Variants in CBFA2T3 observed in about 807,000 individuals in gnomAD.
CBFA2T3 encodes the protein CBFA2/RUNX1 partner transcriptional co-repressor 3.
A neutral mutation model predicts 58.6 loss-of-function variants in CBFA2T3; 31 were observed. That is an observed-to-expected ratio of 0.53 (90% confidence interval 0.40 to 0.71). The LOEUF is 0.71. Among genes scored for constraint, CBFA2T3 ranks in the 30% least tolerant of loss-of-function variants. The pLI is 0.00. For synonymous variants in CBFA2T3, 531 were observed against 421.9 expected (o/e 1.26, Z -3.17); for missense variants, 1,076 against 963.1 (o/e 1.12, Z -1.55).
intron 1 of CBFA2T3, among the ~76,000 whole-genome samples, chr16:88,959,031 C>G (rs904755501): frequency 1.3e-5 from 2 of 152,176 alleles, no homozygotes; most frequent in Non-Finnish European, 2.9e-5. Context: ...CTGTGCCGCA[C>G]CAACCCAGGG....
intron 1 of CBFA2T3, among the ~76,000 whole-genome samples, chr16:88,960,333 C>T (rs930268992): frequency 6.6e-6 from 1 of 152,160 alleles, no homozygotes; most frequent in African/African-American, 2.4e-5. Flanking sequence ...GGGCCAGGTG[C>T]CAGGTCGACG....
intron 1 of CBFA2T3, among the ~76,000 whole-genome samples, chr16:88,931,450 T>C (rs916940532): frequency 1.3e-5 from 2 of 152,156 alleles, no homozygotes; most frequent in Admixed American, 6.5e-5. Context: ...AAGTGACAAG[T>C]GACCTTTCCA....
In CBFA2T3 at chr16:88,877,017, A is replaced by T. The variant is rs1376172302; in HGVS notation, c.1921T>A (p.Ser641Thr). ...AGSAGPSRPGSPSPPGPLDTV... is the reference protein window; with the variant it reads ...AGSAGPSRPGTPSPPGPLDTV... ...TCCAGTGGGCCAGGTGGGCTGGGGGAGCCGGGGCGAGAAGGCCCCGCAGAG... is the reference window on the plus strand; with the variant it reads ...TCCAGTGGGCCAGGTGGGCTGGGGGTGCCGGGGCGAGAAGGCCCCGCAGAG... The change falls in exon 12 of 12, where the codon TCC (serine) becomes ACC (threonine). Residue 641 changes from serine (S) to threonine (T), a missense_variant. Ser to Thr is a moderately conservative substitution (Grantham distance 58). Transcript: ENST00000268679. 1.4e-6 allele frequency: 2 copies of T among 1,478,008 alleles called. No homozygotes were observed. The highest frequency in any genetic ancestry group is 2.4e-4 in the Middle Eastern group (1 of 4,218). The allele number at this position is 1,478,008 out of a possible 1,614,324, so 91.6% of individuals were successfully genotyped here. A position where few individuals can be genotyped will look rare whatever the true frequency, so the allele number is the denominator to read the frequency against.
intron 1 of CBFA2T3, among the ~76,000 whole-genome samples, chr16:88,903,145 C>A (rs1032834142): frequency 6.6e-6 from 1 of 152,218 alleles, no homozygotes; most frequent in East Asian, 1.9e-4. Context: ...GAGAGATCCA[C>A]CCAGGGCCAC....
intron 2 of CBFA2T3, among the ~76,000 whole-genome samples, chr16:88,901,072 C>G (rs560073414): frequency 6.6e-6 from 1 of 152,372 alleles, no homozygotes; most frequent in East Asian, 1.9e-4. Flanking sequence ...AGGTGACCTG[C>G]TGTATGACCC....
intron 5 of CBFA2T3, chr16:88,886,422 G>T: frequency 2.9e-6 from 1 of 345,564 alleles, no homozygotes; most frequent in African/African-American, 2.1e-5. Context: ...GACTCCCAGG[G>T]TGGGGCTTTC....
intron 1 of CBFA2T3, among the ~76,000 whole-genome samples, chr16:88,949,445 G>C (rs151163040): frequency 0.033 from 5,029 of 152,082 alleles, 279 homozygotes; most frequent in African/African-American, 0.11. Flanking sequence ...TGTAGTCCCA[G>C]CTATTCGGGA....
Position 88,885,915 on chromosome 16 carries a change from C to T in CBFA2T3, c.893+46G>A, listed in dbSNP as rs535326516. ...ACCCAGAGGGGAGCAGGGTGAGCCGCGTGTCCACGGCACCCCCAGCCCAGA... is the reference window on the plus strand; with the variant it reads ...ACCCAGAGGGGAGCAGGGTGAGCCGTGTGTCCACGGCACCCCCAGCCCAGA... On this transcript the variant is annotated intron_variant, in intron 6 of 11. Transcript: ENST00000268679. This position sits in a 1 kb window ranked among gnomAD's most constrained non-coding sequence, Gnocchi z 5.3. 2.0e-5 allele frequency: 30 copies of T among 1,486,848 alleles called. No homozygotes were observed. The Middle Eastern group carries it at 6.9e-4, about 34-fold the overall frequency. The allele number at this position is 1,486,848 out of a possible 1,614,324, so 92.1% of individuals were successfully genotyped here. A position where few individuals can be genotyped will look rare whatever the true frequency, so the allele number is the denominator to read the frequency against.
intron 1 of CBFA2T3, among the ~76,000 whole-genome samples, chr16:88,909,756 C>G (rs1970468782): frequency 6.6e-6 from 1 of 152,194 alleles, no homozygotes; most frequent in Non-Finnish European, 1.5e-5. Context: ...CGACCCCGCA[C>G]CCACGCTGCC....
Position 88,958,354 on chromosome 16 carries a change from T to C in CBFA2T3, c.151+18303A>G, listed in dbSNP as rs1972282970. On this transcript the variant is annotated intron_variant, in intron 1 of 11. Transcript: ENST00000268679. The surrounding 1 kb of genome is among the most constrained non-coding windows in gnomAD (Gnocchi z 4.0). Reference sequence around the variant, plus strand: ...GCTCCCAGGGAGAAGTTGAGGTTGATGTGGTCACCTCGAATGGGGAACTCC... The same window carrying C: ...GCTCCCAGGGAGAAGTTGAGGTTGACGTGGTCACCTCGAATGGGGAACTCC... 6.6e-6 allele frequency among the ~76,000 whole-genome samples: 1 copy of C among 151,810 alleles called. No homozygotes were observed. The highest frequency in any genetic ancestry group is 2.4e-5 in the African/African-American group (1 of 41,242).
intron 1 of CBFA2T3, among the ~76,000 whole-genome samples, chr16:88,924,892 T>C (rs1323257772): frequency 1.3e-5 from 2 of 152,132 alleles, no homozygotes; most frequent in African/African-American, 4.8e-5. Flanking sequence ...CCTCACTGAG[T>C]GCTCTCTCCA....
Position 88,892,274 on chromosome 16 carries a change from C to T in CBFA2T3, c.591G>A (p.Glu197=), listed in dbSNP as rs1442045598. 1 of 1,611,786 alleles carries T rather than the reference C, an allele frequency of 6.2e-7. No homozygotes were observed. The highest frequency in any genetic ancestry group is 8.5e-7 in the Non-Finnish European group (1 of 1,179,912). Reference sequence around the variant, plus strand: ...GGCCCAGCACCAGTGTGCGCACGCGCTCCCCAATCTCTGGGGAGATGTCGC... The same window carrying T: ...GGCCCAGCACCAGTGTGCGCACGCGTTCCCCAATCTCTGGGGAGATGTCGC... ...FGSDISPEIG[E]RVRTLVLGLV... Residue 197 remains glutamate, a synonymous_variant, in exon 4 of 12, where the codon GAG becomes GAA. Coordinates refer to ENST00000268679, the MANE Select transcript of CBFA2T3 (RefSeq NM_005187.6).
intron 8 of CBFA2T3, among the ~76,000 whole-genome samples, chr16:88,882,421 A>G (rs1381713997): frequency 2.3e-5 from 3 of 130,574 alleles, no homozygotes; most frequent in African/African-American, 6.1e-5. Context: ...CTGTGTGTGT[A>G]TGGCTGTGTG....
chr16:88,888,708 G>A lies in CBFA2T3; in HGVS notation c.712-2566C>T, dbSNP rs559846678. Reference sequence around the variant, plus strand: ...GACCTGGAAGCAGGACTGGCCGCAAGATCTTTATTTTTTATTTTTGAATCC... The same window carrying A: ...GACCTGGAAGCAGGACTGGCCGCAAAATCTTTATTTTTTATTTTTGAATCC... On this transcript the variant is annotated intron_variant, in intron 5 of 11. Transcript: ENST00000268679. Among the ~76,000 whole-genome samples the A allele has an allele frequency of 2.0e-3, 298 of 151,026 alleles. 2 individuals are homozygous for A. Among genetic ancestry groups the A allele is most frequent in the African/African-American group, 6.9e-3 (282 of 41,078 alleles).
At chr16:88,910,298 T>TC (rs1970489268) in intron 1 of CBFA2T3, among the ~76,000 whole-genome samples, 1 of 151,832 alleles carries the variant, frequency 6.6e-6, no homozygotes, top group South Asian at 2.1e-4. Flanking sequence ...TCACCCTGGC[T>TC]CCCCTCCTGT....
chr16:88,881,561 C>A (rs911827014), intron 8 of CBFA2T3, 72 bp from the exon 9 acceptor site: 1 of 1,483,720 alleles, frequency 6.7e-7, no homozygotes, highest in Non-Finnish European at 9.2e-7. Context: ...CCAGCCCACT[C>A]GGCCAGAGCC....
chr16:88,966,543 A>G (rs1040030290), intron 1 of CBFA2T3, among the ~76,000 whole-genome samples: 4 of 152,058 alleles, frequency 2.6e-5, no homozygotes, highest in Admixed American at 6.5e-5. Flanking sequence ...CCATGAACTC[A>G]GTAGTGGAAG....
At chr16:88,909,669 C>G (rs1023756007) in intron 1 of CBFA2T3, among the ~76,000 whole-genome samples, 2 of 152,154 alleles carry the variant, frequency 1.3e-5, no homozygotes, top group African/African-American at 4.8e-5. Flanking sequence ...GGGAAAGGCA[C>G]AGATGTGCAA....
intron 1 of CBFA2T3, among the ~76,000 whole-genome samples, chr16:88,956,803 G>A (rs1972231234): frequency 6.6e-6 from 1 of 152,216 alleles, no homozygotes; most frequent in Non-Finnish European, 1.5e-5. Context: ...GGACCGCATG[G>A]CCCTTGCCCT....
Sources: allele counts gnomAD v4.1 joint callset (sites outside exome capture counted in the v4.1 genomes callset), GRCh38; gene constraint gnomAD v4.1.1; non-coding constraint Gnocchi (gnomAD v3.1); transcripts MANE v1.5; gene names NCBI Gene and HGNC (gene_info 2026-07-23, HGNC 2026-07-21).